CALN1: variants seen among roughly 807,000 people sequenced by gnomAD.
CALN1 encodes calcium-binding protein 8.
In CALN1, 17 loss-of-function variants were observed where a neutral mutation model predicts 30.6. The ratio of observed to expected loss-of-function variants is 0.56; its 90% CI spans 0.38 to 0.83. CALN1 has a LOEUF of 0.83. CALN1 is among the 40% of genes least tolerant of loss of function. CALN1 has a pLI of 0.00. For missense variants in CALN1, 291 were observed against 354.9 expected, an observed-to-expected ratio of 0.82 and a Z score of 1.45; for synonymous variants, 156 against 131.4, an observed-to-expected ratio of 1.19 and a Z score of -1.28.
At position 72,370,087 on chromosome 7, in the gene CALN1, T is replaced by C. The variant is rs576243941; in HGVS notation, c.119+33164A>G. On this transcript the variant is annotated intron_variant, in intron 2 of 6. Transcript: ENST00000395275. The stretch of plus-strand genomic sequence containing the variant: ...TTGTACCATTTTACATTCCCATCAG[T>C]CATGCATGAGAGTTCCAATGACTCT... Among the ~76,000 whole-genome samples, 20 of 152,332 alleles carry C rather than the reference T, an allele frequency of 1.3e-4. 1 individual carries two copies. The South Asian group carries it at 3.7e-3, about 28-fold the overall frequency.
intron 3 of CALN1, among the ~76,000 whole-genome samples, chr7:72,158,914 G>C (rs551802353): frequency 6.6e-6 from 1 of 152,186 alleles, no homozygotes; most frequent in African/African-American, 2.4e-5. Context: ...TCCGAGTACA[G>C]TGGTCTCGAC....
At chr7:72,331,466 A>G (rs1336177633) in intron 2 of CALN1, among the ~76,000 whole-genome samples, 4 of 152,208 alleles carry the variant, frequency 2.6e-5, no homozygotes, top group Admixed American at 1.3e-4. Flanking sequence ...TGCCAATCAG[A>G]TATGTCCTCT....
Position 71,783,341 on chromosome 7 carries a change from G to A in CALN1, c.*4434C>T, listed in dbSNP as rs912866902. 6.6e-6 allele frequency: 1 copy of A among 152,092 alleles called. No homozygotes were observed. Among genetic ancestry groups the A allele is most frequent in the Non-Finnish European group, 1.5e-5 (1 of 68,034 alleles). 9.4% of individuals were successfully genotyped at this position (152,092 alleles called of 1,614,324 possible). ...TACCATCACGGTGATATAGGAAAAG[G>A]GGCCCTTCCTAGCAGGGGAATTCCA... On this transcript the variant is annotated 3_prime_UTR_variant, in exon 7 of 7. Coordinates refer to ENST00000395275, the MANE Select transcript of CALN1 (RefSeq NM_031468.4).
intron 2 of CALN1, among the ~76,000 whole-genome samples, chr7:72,362,812 C>T (rs1049280223): frequency 6.6e-6 from 1 of 152,162 alleles, no homozygotes; most frequent in Non-Finnish European, 1.5e-5. Context: ...CAGCCATCAC[C>T]TCCTCGGGCC....
At chr7:72,251,865 T>G (rs941171980) in intron 3 of CALN1, among the ~76,000 whole-genome samples, 2 of 152,082 alleles carry the variant, frequency 1.3e-5, no homozygotes, top group Non-Finnish European at 2.9e-5. Flanking sequence ...GGACAAAGGG[T>G]AGAGGCACCT....
chr7:72,317,928 A>G (rs1171636189), intron 2 of CALN1, among the ~76,000 whole-genome samples: 1 of 151,880 alleles, frequency 6.6e-6, no homozygotes, highest in Non-Finnish European at 1.5e-5. Context: ...AAACCACCCC[A>G]CCCTTTAGGA....
At chr7:72,021,142 G>T (rs1314504066) in intron 5 of CALN1, among the ~76,000 whole-genome samples, 2 of 152,056 alleles carry the variant, frequency 1.3e-5, no homozygotes, top group Non-Finnish European at 2.9e-5. Context: ...GGGTATGGTG[G>T]CTTGCACCTG....
In CALN1 at chr7:72,256,069, G is replaced by A. The variant is rs565206776; in HGVS notation, c.244+22617C>T. 5.3e-5 allele frequency among the ~76,000 whole-genome samples: 8 copies of A among 152,286 alleles called. No individual in the cohort carries two copies. In the South Asian group the frequency reaches 1.5e-3, roughly 28 times the overall value. On this transcript the variant is annotated intron_variant, in intron 3 of 6. Transcript: ENST00000395275. ...AAGGAGAGATATACGGAAGCGATGG[G>A]CACTTTTCAAGATTTCACAACTTGT...
chr7:71,820,941 T>A (rs1788550880), intron 5 of CALN1, among the ~76,000 whole-genome samples: 1 of 152,136 alleles, frequency 6.6e-6, no homozygotes, highest in Non-Finnish European at 1.5e-5. Flanking sequence ...GATCACTGTG[T>A]GTGGTGTGTG....
upstream of CALN1, among the ~76,000 whole-genome samples, chr7:72,413,936 C>T (rs138853530): frequency 6.6e-6 from 1 of 152,208 alleles, no homozygotes; most frequent in East Asian, 1.9e-4. Flanking sequence ...TGCACCCTCA[C>T]ATATACTCCC....
chr7:71,994,795 G>A (rs1311083893), intron 5 of CALN1, among the ~76,000 whole-genome samples: 1 of 151,892 alleles, frequency 6.6e-6, no homozygotes, highest in Admixed American at 6.6e-5. Context: ...ACGAAAGATT[G>A]GTTGGACCAG....
chr7:71,929,662 T>C (rs1213517207), intron 5 of CALN1, among the ~76,000 whole-genome samples: 1 of 152,256 alleles, frequency 6.6e-6, no homozygotes, highest in South Asian at 2.1e-4. Context: ...ACATTTGGGT[T>C]ATGTCCACTT....
rs1442215218 is a variant in CALN1, at chr7:72,220,660, CA to C, written c.244+58025del. 4.6e-5 allele frequency among the ~76,000 whole-genome samples: 7 copies of C among 151,608 alleles called. 1 individual carries two copies. The highest frequency in any genetic ancestry group is 1.9e-4 in the East Asian group (1 of 5,188). On this transcript the variant is annotated intron_variant, in intron 3 of 6. Coordinates refer to ENST00000395275, the MANE Select transcript of CALN1 (RefSeq NM_031468.4). Reference sequence around the variant, plus strand: ...TTGAACCAGTTTACAGTCCCACCAACAGTGTAAAAGTGTTCCTATTTCTCCA... The same window carrying C: ...TTGAACCAGTTTACAGTCCCACCAACGTGTAAAAGTGTTCCTATTTCTCCA...
intron 2 of CALN1, among the ~76,000 whole-genome samples, chr7:72,399,357 G>A (rs952277184): frequency 3.7e-5 from 5 of 134,860 alleles, no homozygotes; most frequent in South Asian, 5.0e-4. Context: ...TGCAACATCC[G>A]CCTCCCAGGT....
At chr7:72,203,185 G>A (rs531000946) in intron 3 of CALN1, among the ~76,000 whole-genome samples, 3 of 151,874 alleles carry the variant, frequency 2.0e-5, no homozygotes, top group South Asian at 2.1e-4. Context: ...AGGGCCTGTC[G>A]GGGGGTGAGG....
chr7:72,067,156 C>T (rs139077382), intron 4 of CALN1, among the ~76,000 whole-genome samples: 2 of 152,228 alleles, frequency 1.3e-5, no homozygotes, highest in East Asian at 1.9e-4. Context: ...AAGGCTTCTT[C>T]CATGTTTTGG....
At chr7:71,964,618 C>T (rs1168357686) in intron 5 of CALN1, among the ~76,000 whole-genome samples, 5 of 151,862 alleles carry the variant, frequency 3.3e-5, no homozygotes, top group Admixed American at 2.0e-4. Context: ...GCTGAGATCA[C>T]GCCACTGCAC....
chr7:72,241,946 G>A (rs916364183), intron 3 of CALN1, among the ~76,000 whole-genome samples: 4 of 151,676 alleles, frequency 2.6e-5, no homozygotes. Context: ...TTTCATTATT[G>A]GGCAACCACC....
chr7:72,135,635 T>A (rs1328742102), intron 3 of CALN1, among the ~76,000 whole-genome samples: 1 of 152,200 alleles, frequency 6.6e-6, no homozygotes, highest in Non-Finnish European at 1.5e-5. Flanking sequence ...TTGTTTCATG[T>A]CTAGAGCATA....
Sources: gnomAD v4.1 joint callset for allele counts (sites outside exome capture counted in the v4.1 genomes callset) on GRCh38, gnomAD v4.1.1 for gene constraint, MANE v1.5 for transcripts, NCBI Gene and HGNC (gene_info 2026-07-23, HGNC 2026-07-21) for gene names.